Variants in ZNF503 observed in about 807,000 individuals in gnomAD.
ZNF503 encodes the protein zinc finger protein 503.
In ZNF503, 15 loss-of-function variants were observed where a neutral mutation model predicts 34.4. The ratio of observed to expected loss-of-function variants is 0.44; its 90% CI spans 0.29 to 0.67. The LOEUF (loss-of-function observed/expected upper bound fraction) is 0.67, where lower values mean the gene tolerates loss of function less well. ZNF503 is among the 30% of genes least tolerant of loss of function. The pLI, the probability that ZNF503 is intolerant of heterozygous loss-of-function variation, is 0.13. For missense variants in ZNF503, 1,007 were observed against 926.8 expected, an observed-to-expected ratio of 1.09 and a Z score of -1.12; for synonymous variants, 580 against 456.8, an observed-to-expected ratio of 1.27 and a Z score of -3.44.
At chr10:75,383,678 G>A in the ZNF503 span, among the ~76,000 whole-genome samples, 2 of 152,194 alleles carry the variant, frequency 1.3e-5, no homozygotes, top group East Asian at 3.8e-4. Flanking sequence ...CCCTTGGCCA[G>A]GTGCTCAGAT....
the ZNF503 span, among the ~76,000 whole-genome samples, chr10:75,318,551 A>G: frequency 6.6e-6 from 1 of 151,584 alleles, no homozygotes; most frequent in Non-Finnish European, 1.5e-5. Context: ...TGCCTGTAGT[A>G]CCAGCTGCTC....
chr10:75,394,305 G>GT (rs1310026760), downstream of ZNF503, among the ~76,000 whole-genome samples: 7 of 152,230 alleles, frequency 4.6e-5, no homozygotes, highest in South Asian at 2.1e-4. Flanking sequence ...GTTGTGAAGT[G>GT]TAAGTGGGAT....
the ZNF503 span, among the ~76,000 whole-genome samples, chr10:75,389,709 G>A: frequency 2.0e-5 from 3 of 152,110 alleles, no homozygotes; most frequent in East Asian, 1.9e-4. Context: ...CAGTCTGGGC[G>A]ACAAAACGAG....
At chr10:75,372,152 G>C in the ZNF503 span, among the ~76,000 whole-genome samples, 1 of 152,126 alleles carries the variant, frequency 6.6e-6, no homozygotes, top group Non-Finnish European at 1.5e-5. Context: ...GGCTGGTCTC[G>C]AACTCCTGAC....
intron 1 of ZNF503, 68 bp downstream of exon 1, chr10:75,401,037 G>A (rs771988996): frequency 4.4e-6 from 7 of 1,603,844 alleles, no homozygotes; most frequent in African/African-American, 1.3e-5. Context: ...CAGATCCCGA[G>A]AAAAAGAAAG....
At chr10:75,366,372 C>A in the ZNF503 span, among the ~76,000 whole-genome samples, 4 of 152,252 alleles carry the variant, frequency 2.6e-5, no homozygotes, top group African/African-American at 9.6e-5. Context: ...TAAAAAACAC[C>A]GTCTGCTCAT....
the ZNF503 span, among the ~76,000 whole-genome samples, chr10:75,334,361 A>G: frequency 3.9e-5 from 6 of 152,250 alleles, no homozygotes; most frequent in Admixed American, 3.9e-4. Flanking sequence ...AAAAAACTGT[A>G]TCTGAGAACT....
chr10:75,385,398 G>A, the ZNF503 span, among the ~76,000 whole-genome samples: 3 of 152,296 alleles, frequency 2.0e-5, no homozygotes, highest in South Asian at 2.1e-4. Context: ...TGGCAATTTC[G>A]GTGAGGCTTA....
the ZNF503 span, among the ~76,000 whole-genome samples, chr10:75,379,339 C>G: frequency 1.3e-5 from 2 of 152,182 alleles, no homozygotes; most frequent in Non-Finnish European, 2.9e-5. Flanking sequence ...TGACCATTAA[C>G]GATGTTGATT....
At chr10:75,368,208 G>T in the ZNF503 span, among the ~76,000 whole-genome samples, 9 of 152,204 alleles carry the variant, frequency 5.9e-5, no homozygotes, top group Non-Finnish European at 8.8e-5. Flanking sequence ...AACAATACAG[G>T]GGAGAAGCAG....
the ZNF503 span, chr10:75,358,708 G>A: frequency 6.6e-6 from 1 of 152,238 alleles, no homozygotes; most frequent in African/African-American, 2.4e-5. Flanking sequence ...CTCCTCTCAG[G>A]TAGGAGACAA....
At chr10:75,375,813 G>A in the ZNF503 span, among the ~76,000 whole-genome samples, 12 of 152,024 alleles carry the variant, frequency 7.9e-5, no homozygotes, top group African/African-American at 1.9e-4. Flanking sequence ...CACTGAGCCC[G>A]CGGAACCCAT....
the ZNF503 span, among the ~76,000 whole-genome samples, chr10:75,348,986 TTC>T: frequency 6.6e-6 from 1 of 152,240 alleles, no homozygotes; most frequent in South Asian, 2.1e-4. Flanking sequence ...CCCTTCCTGT[TTC>T]TCTTTTTTCT....
the ZNF503 span, among the ~76,000 whole-genome samples, chr10:75,294,683 A>G: frequency 8.3e-6 from 1 of 120,130 alleles, no homozygotes; most frequent in African/African-American, 3.1e-5. Flanking sequence ...GCGGAGGGGG[A>G]GGACACTGAG....
At chr10:75,342,609 G>A in the ZNF503 span, among the ~76,000 whole-genome samples, 1 of 150,312 alleles carries the variant, frequency 6.7e-6, no homozygotes, top group South Asian at 2.1e-4. Context: ...TTCATTACTA[G>A]TAACAAGTAA....
chr10:75,387,583 A>T, the ZNF503 span, among the ~76,000 whole-genome samples: 7 of 152,228 alleles, frequency 4.6e-5, no homozygotes, highest in African/African-American at 1.4e-4. Context: ...AGAGTGGATC[A>T]GGGCAGGTTT....
chr10:75,370,714 G>A, the ZNF503 span, among the ~76,000 whole-genome samples: 4 of 138,528 alleles, frequency 2.9e-5, no homozygotes, highest in African/African-American at 1.1e-4. Context: ...GGGAGGCAGA[G>A]GTTGCAGTGA....
chr10:75,376,858 C>T, the ZNF503 span, among the ~76,000 whole-genome samples: 1 of 152,146 alleles, frequency 6.6e-6, no homozygotes, highest in African/African-American at 2.4e-5. Flanking sequence ...TCAGTGAGAA[C>T]TCACTCACTG....
At chr10:75,313,837 A>C in the ZNF503 span, among the ~76,000 whole-genome samples, 37,878 of 152,172 alleles carry the variant, frequency 0.25, 5,733 homozygotes, top group African/African-American at 0.42. Flanking sequence ...AAAAGAGAGA[A>C]CCTCAGAGTC....
Sources: gnomAD v4.1 joint callset for allele counts (sites outside exome capture counted in the v4.1 genomes callset) on GRCh38, gnomAD v4.1.1 for gene constraint, MANE v1.5 for transcripts, NCBI Gene and HGNC (gene_info 2026-07-23, HGNC 2026-07-21) for gene names.